Variants in EPHB1 observed in about 807,000 individuals in gnomAD.
EPHB1 encodes the protein ephrin type-B receptor 1.
Under a neutral mutation model 94.4 loss-of-function variants are expected in EPHB1, and 30 were observed. That is an observed-to-expected ratio of 0.32 (90% confidence interval 0.24 to 0.43). The LOEUF (loss-of-function observed/expected upper bound fraction) is 0.43, where lower values mean the gene tolerates loss of function less well. Ranked by LOEUF, EPHB1 falls within the 20% of genes least tolerant of loss-of-function variation. EPHB1 has a pLI of 1.00. For missense variants in EPHB1, 1,055 were observed against 1,308.3 expected (o/e 0.81, Z 2.99); for synonymous variants, 522 against 489.1 (o/e 1.07, Z -0.89).
At chr3:135,006,818 C>T (rs1935433509) in intron 3 of EPHB1, among the ~76,000 whole-genome samples, 2 of 138,044 alleles carry the variant, frequency 1.4e-5, no homozygotes, top group South Asian at 4.6e-4. Flanking sequence ...TATATGATGC[C>T]AAGTTTTTTT....
intron 9 of EPHB1, among the ~76,000 whole-genome samples, chr3:135,176,961 C>T (rs901792518): frequency 2.6e-5 from 4 of 152,158 alleles, no homozygotes; most frequent in Non-Finnish European, 5.9e-5. Context: ...CTTACAACCC[C>T]CACTGCCCAC....
intron 2 of EPHB1, among the ~76,000 whole-genome samples, chr3:134,944,109 T>A (rs972281083): frequency 1.3e-5 from 2 of 152,190 alleles, no homozygotes; most frequent in African/African-American, 4.8e-5. Flanking sequence ...TATGCCAGTT[T>A]GTAGTCGCTC....
intron 5 of EPHB1, among the ~76,000 whole-genome samples, chr3:135,153,345 C>T (rs1232893596): frequency 1.3e-5 from 2 of 152,170 alleles, no homozygotes; most frequent in African/African-American, 4.8e-5. Context: ...AGACAGCCCT[C>T]ATTTATTATT....
intron 1 of EPHB1, among the ~76,000 whole-genome samples, chr3:134,919,064 G>A (rs2038625849): frequency 6.6e-6 from 1 of 152,226 alleles, no homozygotes; most frequent in Non-Finnish European, 1.5e-5. Context: ...CAGGAATGAA[G>A]CCCTGGAGTC....
At chr3:135,133,761 T>C (rs1289049752) in intron 5 of EPHB1, among the ~76,000 whole-genome samples, 2 of 152,232 alleles carry the variant, frequency 1.3e-5, no homozygotes, top group Admixed American at 1.3e-4. Context: ...TATTTCTGAA[T>C]CTTACACTCT....
At chr3:134,911,653 T>G (rs36209) in intron 1 of EPHB1, among the ~76,000 whole-genome samples, 149,098 of 152,264 alleles carry the variant, frequency 0.98, 73,023 homozygotes, top group East Asian at 1. Flanking sequence ...GGCAGCAGCC[T>G]CTGCATGGCA....
At chr3:134,975,996 A>G (rs901152579) in intron 3 of EPHB1, among the ~76,000 whole-genome samples, 1 of 152,196 alleles carries the variant, frequency 6.6e-6, no homozygotes, top group African/African-American at 2.4e-5. Context: ...GACACCCATA[A>G]CCAGAAGTGG....
At chr3:134,954,044 T>G (rs1478346287) in intron 3 of EPHB1, among the ~76,000 whole-genome samples, 1 of 152,234 alleles carries the variant, frequency 6.6e-6, no homozygotes, top group Non-Finnish European at 1.5e-5. Context: ...GGGGAACCCA[T>G]GGCACCATCA....
chr3:134,980,908 G>A (rs36112), intron 3 of EPHB1, among the ~76,000 whole-genome samples: 95,958 of 152,060 alleles, frequency 0.63, 32,102 homozygotes, highest in African/African-American at 0.83. Flanking sequence ...AAAGGTACTA[G>A]GAACCTTTGT....
chr3:135,113,433 C>A (rs1939545776), intron 4 of EPHB1, among the ~76,000 whole-genome samples: 1 of 152,226 alleles, frequency 6.6e-6, no homozygotes, highest in African/African-American at 2.4e-5. Flanking sequence ...CAGAATTTCA[C>A]AAGAGCATTT....
intron 12 of EPHB1, among the ~76,000 whole-genome samples, chr3:135,224,981 C>T (rs1166820519): frequency 1.3e-5 from 2 of 152,204 alleles, no homozygotes; most frequent in East Asian, 1.9e-4. Context: ...TATTCCATCA[C>T]TCTCTGCTCT....
In EPHB1 at chr3:134,953,620, C is replaced by T. The variant is rs143742932; in HGVS notation, c.805+1568C>T. On this transcript the variant is annotated intron_variant, in intron 3 of 15. Transcript: ENST00000398015. ...CAGCTTCCCGGCATGCTTGCAGCAG[C>T]GCATGGTGGGTGATTTCTTTGGTTT... 2.9e-3 allele frequency among the ~76,000 whole-genome samples: 435 copies of T among 152,310 alleles called. 2 individuals carry two copies. The highest frequency in any genetic ancestry group is 6.8e-3 in the Middle Eastern group (2 of 294).
intron 3 of EPHB1, among the ~76,000 whole-genome samples, chr3:135,098,458 T>C (rs529916586): frequency 1.7e-4 from 26 of 152,286 alleles, no homozygotes; most frequent in African/African-American, 6.0e-4. Context: ...CAATATTCCA[T>C]TATATGAATG....
At chr3:134,982,953 G>C (rs768123428) in intron 3 of EPHB1, among the ~76,000 whole-genome samples, 35 of 152,192 alleles carry the variant, frequency 2.3e-4, no homozygotes, top group Non-Finnish European at 2.4e-4. Context: ...GACCCTGCAT[G>C]CCCAGGTCCA....
At chr3:135,165,947 T>C (rs1276957241) in intron 7 of EPHB1, 21 bp from the exon 8 acceptor site, 4 of 1,598,976 alleles carry the variant, frequency 2.5e-6, no homozygotes, top group Non-Finnish European at 3.4e-6. Flanking sequence ...GGGAGGATTC[T>C]AATGCCTCTT....
At chr3:135,232,529 A>G (rs937477225) in intron 12 of EPHB1, among the ~76,000 whole-genome samples, 4 of 152,250 alleles carry the variant, frequency 2.6e-5, no homozygotes, top group African/African-American at 7.2e-5. Flanking sequence ...CTCTTGACAT[A>G]CAATGTAAAC....
intron 2 of EPHB1, among the ~76,000 whole-genome samples, chr3:134,931,979 G>A (rs890939536): frequency 1.3e-5 from 2 of 151,606 alleles, no homozygotes; most frequent in Non-Finnish European, 2.9e-5. Flanking sequence ...ATATATGTAT[G>A]TGTATATATA....
At chr3:134,833,375 A>G (rs1362003441) in intron 1 of EPHB1, among the ~76,000 whole-genome samples, 2 of 152,208 alleles carry the variant, frequency 1.3e-5, no homozygotes, top group Non-Finnish European at 2.9e-5. Flanking sequence ...TGAGTGGGTG[A>G]GCTGTGTCCC....
Position 135,026,821 on chromosome 3 carries a change from C to T in EPHB1, c.805+74769C>T, listed in dbSNP as rs1442817822. On this transcript the variant is annotated intron_variant, in intron 3 of 15. Transcript: ENST00000398015. ...ACCTTGGGCAGTATGGCCATTTTCA[C>T]GGTATTGATTCTTCCTACCCATGAG... Among the ~76,000 whole-genome samples the T allele has an allele frequency of 2.0e-3, 288 of 145,330 alleles. 1 individual carries two copies. Among genetic ancestry groups the T allele is most frequent in the African/African-American group, 6.6e-3 (254 of 38,598 alleles).
Sources: allele counts gnomAD v4.1 joint callset (sites outside exome capture counted in the v4.1 genomes callset), GRCh38; gene constraint gnomAD v4.1.1; transcripts MANE v1.5; gene names NCBI Gene and HGNC (gene_info 2026-07-23, HGNC 2026-07-21).